The following CACNA1E variants were observed in gnomAD, a reference collection of about 807,000 sequenced individuals.
CACNA1E encodes the protein voltage-dependent R-type calcium channel subunit alpha-1E.
A neutral mutation model predicts 259.2 loss-of-function variants in CACNA1E; 40 were observed. The ratio of observed to expected loss-of-function variants is 0.15; its 90% CI spans 0.12 to 0.20. The LOEUF is 0.20. Ranked by LOEUF, CACNA1E falls within the 10% of genes least tolerant of loss-of-function variation. CACNA1E has a pLI of 1.00. For missense variants in CACNA1E, 1,874 were observed against 3,040.1 expected (o/e 0.62, Z 9.02); for synonymous variants, 1,104 against 1,138.5 (o/e 0.97, Z 0.61).
intron 6 of CACNA1E, among the ~76,000 whole-genome samples, chr1:181,627,531 G>A (rs1656313654): frequency 6.6e-6 from 1 of 152,210 alleles, no homozygotes; most frequent in African/African-American, 2.4e-5. Flanking sequence ...AGTGGGCAAA[G>A]TAGAGCCACT....
intron 8 of CACNA1E, among the ~76,000 whole-genome samples, chr1:181,713,356 C>T (rs1653577185): frequency 6.6e-6 from 1 of 152,164 alleles, no homozygotes; most frequent in Non-Finnish European, 1.5e-5. Flanking sequence ...CCTCCAAACA[C>T]GTGCTATAAA....
At chr1:181,477,389 G>A (rs921224027) in intron 2 of CACNA1E, among the ~76,000 whole-genome samples, 16 of 152,274 alleles carry the variant, frequency 1.1e-4, no homozygotes, top group Admixed American at 3.9e-4. Flanking sequence ...CTTTTGAACT[G>A]TAAGTTTTTA....
chr1:181,723,577 T>G (rs1212467127), intron 16 of CACNA1E, among the ~76,000 whole-genome samples: 1 of 152,144 alleles, frequency 6.6e-6, no homozygotes, highest in Non-Finnish European at 1.5e-5. Flanking sequence ...TAGCATCAGA[T>G]CCCACAGGTC....
intron 2 of CACNA1E, among the ~76,000 whole-genome samples, chr1:181,451,413 C>T (rs189590237): frequency 8.7e-4 from 132 of 152,258 alleles, no homozygotes; most frequent in African/African-American, 3.0e-3. Flanking sequence ...CAACCAGGCA[C>T]GGTGGCTCAC....
intron 6 of CACNA1E, among the ~76,000 whole-genome samples, chr1:181,628,307 T>C (rs564573027): frequency 6.6e-6 from 1 of 152,342 alleles, no homozygotes; most frequent in East Asian, 1.9e-4. Flanking sequence ...ACAGAGTGGA[T>C]ACAGTGGCTC....
At chr1:181,641,696 A>ATTTTTTTTTTTT (rs1369217611) in intron 6 of CACNA1E, among the ~76,000 whole-genome samples, 6 of 104,088 alleles carry the variant, frequency 5.8e-5, no homozygotes, top group African/African-American at 2.4e-4. Context: ...GGCAACACTA[A>ATTTTTTTTTTTT]TTTTTTGTTT....
intron 1 of CACNA1E, among the ~76,000 whole-genome samples, chr1:181,325,959 T>G (rs1029566631): frequency 1.6e-4 from 25 of 152,308 alleles, no homozygotes; most frequent in African/African-American, 6.0e-4. Flanking sequence ...GGCTCCCAAC[T>G]AGACGGCCTT....
chr1:181,628,392 G>T (rs1041740519), intron 6 of CACNA1E, among the ~76,000 whole-genome samples: 1 of 152,140 alleles, frequency 6.6e-6, no homozygotes, highest in African/African-American at 2.4e-5. Flanking sequence ...TCTCCCAGGA[G>T]CTCATTGCCA....
intron 7 of CACNA1E, among the ~76,000 whole-genome samples, chr1:181,686,550 G>C (rs993222619): frequency 3.3e-5 from 5 of 152,106 alleles, no homozygotes; most frequent in African/African-American, 1.2e-4. Flanking sequence ...GCCTCCCAAA[G>C]TGCTGGGATT....
chr1:181,364,837 C>T (rs1348955232), intron 1 of CACNA1E, among the ~76,000 whole-genome samples: 1 of 152,158 alleles, frequency 6.6e-6, no homozygotes, highest in Non-Finnish European at 1.5e-5. Context: ...AGTCTTCCAC[C>T]TCTGCAGGGA....
At chr1:181,472,002 A>C (rs1662541266) in intron 2 of CACNA1E, among the ~76,000 whole-genome samples, 1 of 152,174 alleles carries the variant, frequency 6.6e-6, no homozygotes, top group South Asian at 2.1e-4. Flanking sequence ...GAAAAAACAA[A>C]ATGTTCATCG....
intron 3 of CACNA1E, among the ~76,000 whole-genome samples, chr1:181,561,540 G>A (rs1353576566): frequency 6.6e-6 from 1 of 152,124 alleles, no homozygotes; most frequent in Non-Finnish European, 1.5e-5. Context: ...AATGGGAAGA[G>A]GAGTCTACAG....
rs946536846 is a variant in CACNA1E at position 181,747,023 on chromosome 1, A to G, written c.3720-3453A>G. Among the ~76,000 whole-genome samples the G allele has an allele frequency of 7.2e-5, 11 of 152,386 alleles. No individual in the cohort carries two copies. In the South Asian group the frequency reaches 1.9e-3, roughly 26 times the overall value. On this transcript the variant is annotated intron_variant, in intron 25 of 47. Coordinates refer to ENST00000367573, the MANE Select transcript of CACNA1E (RefSeq NM_001205293.3). ...AGTGCCAAGGACTTAGTAATTGTAT[A>G]ATAAATGATAGTTATTATTTCCTAC... is the stretch of plus-strand genomic sequence containing the variant.
intron 7 of CACNA1E, among the ~76,000 whole-genome samples, chr1:181,699,525 G>A (rs952515536): frequency 1.3e-5 from 2 of 152,194 alleles, no homozygotes; most frequent in African/African-American, 4.8e-5. Context: ...TTTTAACAAT[G>A]AGAAGCCAGC....
chr1:181,417,443 T>C (rs1359750294), intron 2 of CACNA1E, among the ~76,000 whole-genome samples: 2 of 152,166 alleles, frequency 1.3e-5, no homozygotes, highest in African/African-American at 4.8e-5. Flanking sequence ...ATTTTCACCC[T>C]CAACTTTGTT....
intron 1 of CACNA1E, among the ~76,000 whole-genome samples, chr1:181,507,293 A>G (rs1311615920): frequency 1.3e-5 from 2 of 152,188 alleles, no homozygotes; most frequent in Non-Finnish European, 2.9e-5. Context: ...ACTCATCAGC[A>G]CCTGGGCCAA....
At chr1:181,404,910 G>A (rs1657358344) in intron 1 of CACNA1E, among the ~76,000 whole-genome samples, 1 of 152,230 alleles carries the variant, frequency 6.6e-6, no homozygotes, top group Non-Finnish European at 1.5e-5. Flanking sequence ...TGTCCTCCAT[G>A]AAGACCACAT....
In CACNA1E at chr1:181,413,747, C is replaced by A. The variant is rs535671078; in HGVS notation, c.434+167C>A. 1.1e-3 allele frequency among the ~76,000 whole-genome samples: 162 copies of A among 152,320 alleles called. 1 individual carries two copies. The highest frequency in any genetic ancestry group is 3.7e-3 in the African/African-American group (153 of 41,566). ...ACCCTCTGGATGAGGTCCTCGTGGT[C>A]AGTCCCTGATCTCACCACCCGGCTG... On this transcript the variant is annotated intron_variant, in intron 2 of 11. Coordinates refer to the CACNA1E transcript ENST00000524607.
Position 181,579,231 on chromosome 1 carries a change from T to C in CACNA1E, c.769+7T>C, listed in dbSNP as rs546161068. On this transcript the variant is annotated splice_region_variant and intron_variant, in intron 5 of 47. Transcript: ENST00000367573. ...TGCTTCATGAACAATTCAGGTAGGGTCGTTCTTTTCTGTCTTCTCCTTTTC... is the reference window on the plus strand; with the variant it reads ...TGCTTCATGAACAATTCAGGTAGGGCCGTTCTTTTCTGTCTTCTCCTTTTC... The C allele has an allele frequency of 1.9e-6, 3 of 1,606,160 alleles. No individual in the cohort carries two copies. The highest frequency in any genetic ancestry group is 2.2e-5 in the South Asian group (2 of 89,342).
Sources: gnomAD v4.1 joint callset for allele counts (sites outside exome capture counted in the v4.1 genomes callset) on GRCh38, gnomAD v4.1.1 for gene constraint, MANE v1.5 for transcripts, NCBI Gene and HGNC (gene_info 2026-07-23, HGNC 2026-07-21) for gene names.